The following RSRC1 variants were observed in gnomAD, a reference collection of about 807,000 sequenced individuals.
RSRC1 encodes arginine and serine rich coiled-coil 1.
Under a neutral mutation model 49.1 loss-of-function variants are expected in RSRC1, and 39 were observed. The observed-to-expected ratio is 0.79, with a 90% CI of 0.61 to 1.04. The LOEUF (loss-of-function observed/expected upper bound fraction) is 1.04, where lower values mean the gene tolerates loss of function less well. Ranked by LOEUF, RSRC1 falls within the 50% of genes least tolerant of loss-of-function variation. The probability of loss-of-function intolerance (pLI) is 0.00; values close to 1 mark genes in which losing one functional copy is unlikely to be tolerated. For missense variants in RSRC1, 388 were observed against 402.4 expected (o/e 0.96, Z 0.31); for synonymous variants, 143 against 130.8 (o/e 1.09, Z -0.63).
chr3:158,365,807 C>T (rs1437782292), intron 6 of RSRC1, among the ~76,000 whole-genome samples: 3 of 152,202 alleles, frequency 2.0e-5, no homozygotes, highest in African/African-American at 4.8e-5. Flanking sequence ...TCTCCAGCAT[C>T]TGTAGTTTCC....
intron 7 of RSRC1, among the ~76,000 whole-genome samples, chr3:158,484,830 A>T (rs1738755895): frequency 6.6e-6 from 1 of 152,138 alleles, no homozygotes; most frequent in Non-Finnish European, 1.5e-5. Flanking sequence ...AACTCAACTG[A>T]ATACTTACTG....
rs1464349208 is a variant in RSRC1, at chr3:158,298,074, T to A, written c.530T>A (p.Leu177Gln). 2 of 1,601,294 alleles carry A rather than the reference T, an allele frequency of 1.2e-6. No individual in the cohort carries two copies. Among genetic ancestry groups the A allele is most frequent in the Admixed American group, 3.3e-5 (2 of 59,824 alleles). The change falls in exon 5 of 10, where the codon CTG becomes CAG. Residue 177 changes from leucine to glutamine, a missense_variant and splice_region_variant. Transcript: ENST00000611884. ...SGNIKAGLEHLPPAEQAKARL... is the reference protein window; with the variant it reads ...SGNIKAGLEHQPPAEQAKARL... ...AACATCAAAGCTGGATTAGAACATCTGGTAAGTTCTCATTTTCTCTTGAAC... is the reference window on the plus strand; with the variant it reads ...AACATCAAAGCTGGATTAGAACATCAGGTAAGTTCTCATTTTCTCTTGAAC...
chr3:158,157,630 A>G (rs1009171407), intron 3 of RSRC1, among the ~76,000 whole-genome samples: 2 of 152,110 alleles, frequency 1.3e-5, no homozygotes, highest in African/African-American at 2.4e-5. Context: ...CTTTCCCACT[A>G]CTTGAGGAAC....
intron 6 of RSRC1, among the ~76,000 whole-genome samples, chr3:158,444,371 G>C (rs995926896): frequency 6.6e-6 from 1 of 152,066 alleles, no homozygotes; most frequent in Non-Finnish European, 1.5e-5. Flanking sequence ...ACAACCATCT[G>C]ATCTTTGGCA....
At chr3:158,414,197 A>G (rs1578445174) in intron 6 of RSRC1, among the ~76,000 whole-genome samples, 1 of 152,176 alleles carries the variant, frequency 6.6e-6, no homozygotes, top group Admixed American at 6.5e-5. Context: ...TGGTACATAT[A>G]CACCATGGAA....
chr3:158,437,991 T>G (rs1311524888), intron 6 of RSRC1, among the ~76,000 whole-genome samples: 1 of 152,170 alleles, frequency 6.6e-6, no homozygotes, highest in Non-Finnish European at 1.5e-5. Context: ...AAAATCAATG[T>G]GCGAAAATCA....
intron 5 of RSRC1, among the ~76,000 whole-genome samples, chr3:158,315,719 AT>A (rs1486783334): frequency 1.3e-5 from 2 of 152,016 alleles, no homozygotes; most frequent in African/African-American, 4.8e-5. Flanking sequence ...TACTAGACAG[AT>A]TTACTTGCTT....
At chr3:158,364,361 C>T (rs936017945) in intron 6 of RSRC1, among the ~76,000 whole-genome samples, 5 of 151,970 alleles carry the variant, frequency 3.3e-5, no homozygotes, top group African/African-American at 4.8e-5. Flanking sequence ...GGCAAACCCC[C>T]CAAAAAGAGC....
chr3:158,329,868 GAGGTGGGCTCCACCC>G (rs1729437206), intron 5 of RSRC1, among the ~76,000 whole-genome samples: 1 of 152,318 alleles, frequency 6.6e-6, no homozygotes, highest in Admixed American at 6.5e-5. Context: ...TCCTTGAGCT[GAGGTGGGCTCCACCC>G]AGTTCGAGCT....
chr3:158,216,519 T>C lies in RSRC1; in HGVS notation c.494+13274T>C, dbSNP rs981117534. On this transcript the variant is annotated intron_variant, in intron 4 of 9. Coordinates refer to ENST00000611884, the MANE Select transcript of RSRC1 (RefSeq NM_001271838.2). The stretch of plus-strand genomic sequence containing the variant: ...TTTTGTAGTCTATGACTTTGATGTG[T>C]AGTCTCAATGGATTCATTTCTGTTG... 9.9e-5 allele frequency among the ~76,000 whole-genome samples: 15 copies of C among 151,762 alleles called. No individual in the cohort carries two copies. In the Admixed American group the frequency reaches 9.9e-4, roughly 10 times the overall value.
At chr3:158,325,210 T>C (rs1341473609) in intron 5 of RSRC1, among the ~76,000 whole-genome samples, 1 of 152,262 alleles carries the variant, frequency 6.6e-6, no homozygotes, top group Non-Finnish European at 1.5e-5. Flanking sequence ...TTTCTTTTGC[T>C]GTGTAGAAGC....
At chr3:158,288,967 A>G (rs1002840528) in intron 4 of RSRC1, among the ~76,000 whole-genome samples, 3 of 151,488 alleles carry the variant, frequency 2.0e-5, no homozygotes, top group Admixed American at 6.6e-5. Context: ...CATAGATACC[A>G]TATTTTTTCT....
intron 5 of RSRC1, among the ~76,000 whole-genome samples, chr3:158,316,438 A>ATTTTTTTT (rs564633575): frequency 2.8e-5 from 2 of 72,220 alleles, no homozygotes; most frequent in Non-Finnish European, 4.7e-5. Context: ...AGAATCTCTC[A>ATTTTTTTT]TTTTTTTTTT....
At chr3:158,392,979 G>A (rs909837565) in intron 6 of RSRC1, among the ~76,000 whole-genome samples, 1 of 151,872 alleles carries the variant, frequency 6.6e-6, no homozygotes, top group African/African-American at 2.4e-5. Context: ...CCACATTCTT[G>A]GACCACAGTG....
intron 7 of RSRC1, among the ~76,000 whole-genome samples, chr3:158,534,698 CAACT>C (rs919895298): frequency 5.9e-5 from 9 of 151,518 alleles, no homozygotes; most frequent in African/African-American, 2.2e-4. Flanking sequence ...AGACTAGAAA[CAACT>C]AACCATCCAT....
chr3:158,281,488 A>G (rs1000102315), intron 4 of RSRC1, among the ~76,000 whole-genome samples: 1 of 152,182 alleles, frequency 6.6e-6, no homozygotes, highest in South Asian at 2.1e-4. Flanking sequence ...ATTATAGCAC[A>G]AGACTAGGGC....
chr3:158,257,921 A>G (rs1724660649), intron 4 of RSRC1, among the ~76,000 whole-genome samples: 1 of 152,200 alleles, frequency 6.6e-6, no homozygotes, highest in Non-Finnish European at 1.5e-5. Context: ...GAAAACTAAT[A>G]CAAACTCTAT....
chr3:158,243,804 T>C (rs952637021), intron 4 of RSRC1, among the ~76,000 whole-genome samples: 1 of 152,156 alleles, frequency 6.6e-6, no homozygotes, highest in African/African-American at 2.4e-5. Context: ...TTTGTGACAA[T>C]TGTGAATGGG....
intron 4 of RSRC1, among the ~76,000 whole-genome samples, chr3:158,280,742 A>T (rs113493347): frequency 0.047 from 6,419 of 136,738 alleles, 451 homozygotes; most frequent in African/African-American, 0.17. Context: ...TGCCTCCTGG[A>T]TTCAAACAAT....
Sources: allele counts gnomAD v4.1 joint callset (sites outside exome capture counted in the v4.1 genomes callset), GRCh38; gene constraint gnomAD v4.1.1; transcripts MANE v1.5; gene names NCBI Gene and HGNC (gene_info 2026-07-23, HGNC 2026-07-21).